Variants in KCND2 observed in about 807,000 individuals in gnomAD.
KCND2 encodes the protein A-type voltage-gated potassium channel KCND2.
A neutral mutation model predicts 54.4 loss-of-function variants in KCND2; 16 were observed. That is an observed-to-expected ratio of 0.29 (90% CI 0.20 to 0.45). The LOEUF (loss-of-function observed/expected upper bound fraction) is 0.45, where lower values mean the gene tolerates loss of function less well. KCND2 is among the 20% of genes least tolerant of loss of function. The pLI, the probability that KCND2 is intolerant of heterozygous loss-of-function variation, is 1.00. For missense variants in KCND2, 486 were observed against 824.2 expected (o/e 0.59, Z 5.02); for synonymous variants, 317 against 310.7 (o/e 1.02, Z -0.21).
intron 1 of KCND2, among the ~76,000 whole-genome samples, chr7:120,716,341 A>G (rs1024603941): frequency 2.0e-5 from 3 of 152,080 alleles, no homozygotes; most frequent in African/African-American, 4.8e-5. Flanking sequence ...ATGGCCACTT[A>G]TGACTTTCCT....
chr7:120,622,065 A>T (rs373819402), intron 1 of KCND2, among the ~76,000 whole-genome samples: 1 of 151,882 alleles, frequency 6.6e-6, no homozygotes, highest in East Asian at 1.9e-4. Flanking sequence ...TGACCAAGTT[A>T]TGTTTGAAAG....
At chr7:120,401,334 A>G (rs1175974300) in intron 1 of KCND2, among the ~76,000 whole-genome samples, 1 of 152,160 alleles carries the variant, frequency 6.6e-6, no homozygotes, top group Admixed American at 6.6e-5. Flanking sequence ...ATGTTAGTAA[A>G]TGGGAACTAG....
intron 1 of KCND2, among the ~76,000 whole-genome samples, chr7:120,428,552 A>G (rs1801746966): frequency 6.6e-6 from 1 of 152,184 alleles, no homozygotes; most frequent in Admixed American, 6.5e-5. Context: ...GTTGATGTAG[A>G]TGTGGCAAGT....
intron 1 of KCND2, among the ~76,000 whole-genome samples, chr7:120,723,837 T>C (rs1264502570): frequency 3.9e-5 from 6 of 152,200 alleles, no homozygotes; most frequent in Non-Finnish European, 8.8e-5. Context: ...GTGGCAGGTC[T>C]CGCCACTTCT....
At chr7:120,428,263 T>C (rs1381935507) in intron 1 of KCND2, among the ~76,000 whole-genome samples, 1 of 152,212 alleles carries the variant, frequency 6.6e-6, no homozygotes, top group East Asian at 1.9e-4. Context: ...CTTACTCTTC[T>C]ATTGTTTAAG....
chr7:120,732,650 G>C (rs1228618905), intron 1 of KCND2, among the ~76,000 whole-genome samples: 1 of 152,018 alleles, frequency 6.6e-6, no homozygotes, highest in Admixed American at 6.6e-5. Flanking sequence ...TACATCATCT[G>C]ACTTAAAATA....
At chr7:120,669,072 A>T (rs760929600) in intron 1 of KCND2, among the ~76,000 whole-genome samples, 6 of 152,242 alleles carry the variant, frequency 3.9e-5, no homozygotes, top group Non-Finnish European at 8.8e-5. Context: ...ATTGTAAAAT[A>T]TTAAGACATT....
intron 1 of KCND2, among the ~76,000 whole-genome samples, chr7:120,660,478 G>C (rs928195522): frequency 6.6e-6 from 1 of 152,074 alleles, no homozygotes; most frequent in Admixed American, 6.6e-5. Flanking sequence ...CATTTGGTTG[G>C]ATTTCAATAG....
At chr7:120,575,132 G>A (rs900971733) in intron 1 of KCND2, among the ~76,000 whole-genome samples, 3 of 152,102 alleles carry the variant, frequency 2.0e-5, no homozygotes, top group East Asian at 1.9e-4. Flanking sequence ...ATATATGAAA[G>A]GGTGTTTATT....
At chr7:120,365,049 A>G (rs1232631321) in intron 1 of KCND2, among the ~76,000 whole-genome samples, 2 of 152,090 alleles carry the variant, frequency 1.3e-5, no homozygotes, top group Non-Finnish European at 2.9e-5. Context: ...ATGCATTTAA[A>G]GACATTAATA....
intron 1 of KCND2, among the ~76,000 whole-genome samples, chr7:120,431,841 A>T (rs1301913203): frequency 1.3e-5 from 2 of 151,968 alleles, no homozygotes; most frequent in Admixed American, 6.6e-5. Flanking sequence ...TCTATCTCTC[A>T]CACACACTCA....
In KCND2 at chr7:120,327,509, A is replaced by G. The variant is rs141038960; in HGVS notation, c.1115+51762A>G. Among the ~76,000 whole-genome samples, 195 of 152,242 alleles carry G rather than the reference A, an allele frequency of 1.3e-3. 1 individual carries two copies. The highest frequency in any genetic ancestry group is 2.2e-3 in the Non-Finnish European group (149 of 67,968). ...TAGGAGTATTCATTATTTCAACACT[A>G]TAGACAAAACCTTGCTAGAACCAAT... On this transcript the variant is annotated intron_variant, in intron 1 of 5. Coordinates refer to ENST00000331113, the MANE Select transcript of KCND2 (RefSeq NM_012281.3).
chr7:120,378,459 G>A (rs578197203), intron 1 of KCND2, among the ~76,000 whole-genome samples: 2 of 152,046 alleles, frequency 1.3e-5, no homozygotes, highest in Admixed American at 1.3e-4. Flanking sequence ...TATTTGGTGG[G>A]AGTTAGGAAT....
chr7:120,344,838 G>A (rs1800291241), intron 1 of KCND2, among the ~76,000 whole-genome samples: 1 of 152,082 alleles, frequency 6.6e-6, no homozygotes, highest in Admixed American at 6.6e-5. Flanking sequence ...AATAAATACT[G>A]AACTTCTATT....
At chr7:120,437,527 T>C (rs1801885767) in intron 1 of KCND2, among the ~76,000 whole-genome samples, 1 of 149,626 alleles carries the variant, frequency 6.7e-6, no homozygotes, top group Non-Finnish European at 1.5e-5. Context: ...CTAACTGCTG[T>C]CTGAATTAGG....
At chr7:120,356,687 C>G (rs1246536614) in intron 1 of KCND2, among the ~76,000 whole-genome samples, 1 of 152,056 alleles carries the variant, frequency 6.6e-6, no homozygotes, top group African/African-American at 2.4e-5. Flanking sequence ...CCACAATTTC[C>G]ATTTCCTCAT....
chr7:120,333,012 T>G (rs1256677690), intron 1 of KCND2, among the ~76,000 whole-genome samples: 3 of 152,114 alleles, frequency 2.0e-5, no homozygotes, highest in Admixed American at 6.5e-5. Context: ...AGAGCTGTTG[T>G]GAGTAGTCTT....
At chr7:120,674,706 G>A (rs1792036904) in intron 1 of KCND2, among the ~76,000 whole-genome samples, 1 of 152,194 alleles carries the variant, frequency 6.6e-6, no homozygotes, top group South Asian at 2.1e-4. Flanking sequence ...TTATTGGCAT[G>A]TCTAGTTAGT....
rs1172834894 is a variant in KCND2, at chr7:120,305,245, TC to T, written c.1115+29499del. On this transcript the variant is annotated intron_variant, in intron 1 of 5. Transcript: ENST00000331113. ...GCATGAAAATTATGAGGCTGTAGGTTCAAACTGTTCTGTTGAAAATGTGCCC... is the reference window on the plus strand; with the variant it reads ...GCATGAAAATTATGAGGCTGTAGGTTAAACTGTTCTGTTGAAAATGTGCCC... 8.5e-5 allele frequency among the ~76,000 whole-genome samples: 13 copies of T among 152,278 alleles called. No homozygotes were observed. In the East Asian group the frequency reaches 2.5e-3, roughly 29 times the overall value.
Sources: allele counts gnomAD v4.1 joint callset (sites outside exome capture counted in the v4.1 genomes callset), GRCh38; gene constraint gnomAD v4.1.1; transcripts MANE v1.5; gene names NCBI Gene and HGNC (gene_info 2026-07-23, HGNC 2026-07-21).